The following SLC25A48 variants were observed in gnomAD, a reference collection of about 807,000 sequenced individuals.
The protein encoded by SLC25A48 is CTC-321K16.1.
In SLC25A48, 29 loss-of-function variants were observed where a neutral mutation model predicts 32.2. The ratio of observed to expected loss-of-function variants is 0.90; its 90% CI spans 0.67 to 1.23. SLC25A48 has a LOEUF of 1.23. SLC25A48 is among the 50% of genes most tolerant of loss of function. The pLI is 0.00. For synonymous variants in SLC25A48, 164 were observed against 172.3 expected, an observed-to-expected ratio of 0.95 and a Z score of 0.38; for missense variants, 399 against 422.7, an observed-to-expected ratio of 0.94 and a Z score of 0.49.
At chr5:135,856,862 T>C (rs1760365671) in intron 4 of SLC25A48, among the ~76,000 whole-genome samples, 1 of 152,226 alleles carries the variant, frequency 6.6e-6, no homozygotes, top group African/African-American at 2.4e-5. Context: ...GCTGGCTCTT[T>C]GCTCTATCCC....
intron 3 of SLC25A48, among the ~76,000 whole-genome samples, chr5:135,799,366 A>G (rs1757264734): frequency 6.6e-6 from 1 of 151,556 alleles, no homozygotes; most frequent in Non-Finnish European, 1.5e-5. Context: ...ATTACTCCCA[A>G]TATTGCAGAA....
chr5:135,672,887 C>T (rs1368692229), intron 3 of SLC25A48, among the ~76,000 whole-genome samples: 1 of 152,146 alleles, frequency 6.6e-6, no homozygotes, highest in Admixed American at 6.5e-5. Flanking sequence ...TCCATCTTTA[C>T]CCTTATGCTC....
intron 3 of SLC25A48, among the ~76,000 whole-genome samples, chr5:135,793,659 C>T (rs1271653039): frequency 6.6e-6 from 1 of 151,322 alleles, no homozygotes; most frequent in Non-Finnish European, 1.5e-5. Flanking sequence ...CAGTGCATTT[C>T]CATCTTGTTT....
At position 135,779,522 on chromosome 5, in the gene SLC25A48, A is replaced by ACACGCACTCTAATAAGGTTTG. The variant is rs1326006136; in HGVS notation, c.-520-33001_-520-33000insCACGCACTCTAATAAGGTTTG. 6.8e-4 allele frequency among the ~76,000 whole-genome samples: 82 copies of ACACGCACTCTAATAAGGTTTG among 120,798 alleles called. 2 individuals carry two copies. Among genetic ancestry groups the ACACGCACTCTAATAAGGTTTG allele is most frequent in the South Asian group, 1.1e-3 (4 of 3,582 alleles). The allele number at this position is 120,798 out of a possible 152,430, so 79.2% of individuals were successfully genotyped here. The stretch of plus-strand genomic sequence containing the variant: ...ACTCCCAATATTGCAGGGGGTGTAC[A>ACACGCACTCTAATAAGGTTTG]TGCCCCCCTGTGATATTGTTTCTAA... On this transcript the variant is annotated intron_variant, in intron 3 of 10. Transcript: ENST00000646290.
intron 3 of SLC25A48, among the ~76,000 whole-genome samples, chr5:135,810,643 GT>G: frequency 6.6e-6 from 1 of 152,184 alleles, no homozygotes; most frequent in Non-Finnish European, 1.5e-5. Context: ...CACACAGCAT[GT>G]GGTTTTTGTC....
intron 3 of SLC25A48, among the ~76,000 whole-genome samples, chr5:135,757,316 A>G (rs62365684): frequency 6.7e-6 from 1 of 149,706 alleles, no homozygotes; most frequent in Non-Finnish European, 1.5e-5. Context: ...TTAATAAAAT[A>G]TCATCTTTAT....
intron 3 of SLC25A48, among the ~76,000 whole-genome samples, chr5:135,637,550 A>C (rs1308936263): frequency 6.6e-6 from 1 of 152,222 alleles, no homozygotes; most frequent in Admixed American, 6.5e-5. Flanking sequence ...TTCATGCTAA[A>C]GATCAAGATG....
In SLC25A48 at chr5:135,835,123, T is replaced by G. The variant is rs952233556; in HGVS notation, c.46+230T>G. 5.7e-6 allele frequency: 4 copies of G among 704,344 alleles called. No homozygotes were observed. In the African/African-American group the frequency reaches 7.0e-5, roughly 12 times the overall value. The allele number at this position is 704,344 out of a possible 1,614,324, so 43.6% of individuals were successfully genotyped here. A position where few individuals can be genotyped will look rare whatever the true frequency, so the allele number is the denominator to read the frequency against. ...CGGGCTGAGCTTCTGATTTGCTCAT[T>G]AAGTTAGGATCCGTGGGACTTGATG... On this transcript the variant is annotated intron_variant, in intron 1 of 7. Coordinates refer to ENST00000681962, the MANE Select transcript of SLC25A48 (RefSeq NM_001349336.2).
At chr5:135,667,573 C>T (rs577205521) in intron 3 of SLC25A48, among the ~76,000 whole-genome samples, 221 of 152,300 alleles carry the variant, frequency 1.5e-3, no homozygotes, top group Non-Finnish European at 2.8e-3. Context: ...CCCCTACTCC[C>T]TTCCCTCTCT....
intron 3 of SLC25A48, among the ~76,000 whole-genome samples, chr5:135,664,784 A>G (rs1421881647): frequency 2.0e-5 from 3 of 152,212 alleles, no homozygotes; most frequent in Non-Finnish European, 4.4e-5. Flanking sequence ...GTAGTATTAC[A>G]TGGTGTATAT....
intron 4 of SLC25A48, chr5:135,827,221 C>T (rs9986270): frequency 0.36 from 53,987 of 152,012 alleles, 9,636 homozygotes; most frequent in Middle Eastern, 0.46. Flanking sequence ...TGTCCCGTGG[C>T]GCTGGTTTTG....
At chr5:135,676,276 T>C (rs4976315) in intron 3 of SLC25A48, among the ~76,000 whole-genome samples, 112,902 of 151,778 alleles carry the variant, frequency 0.74, 42,590 homozygotes, top group Middle Eastern at 0.86. Context: ...AGTGTATAGT[T>C]GCTTTAATAG....
rs79546838 is a variant in SLC25A48 at position 135,647,076 on chromosome 5, G to A, written c.-521+12120G>A. On this transcript the variant is annotated intron_variant, in intron 3 of 10. Coordinates refer to the SLC25A48 transcript ENST00000646290. ...TTAGGTCAATTGTGGTAATCATTTCGCAATGTGTACTTATATCACACGTCA... is the reference window on the plus strand; with the variant it reads ...TTAGGTCAATTGTGGTAATCATTTCACAATGTGTACTTATATCACACGTCA... 9.2e-3 allele frequency among the ~76,000 whole-genome samples: 592 copies of A among 64,428 alleles called. 8 individuals are homozygous for A. Among genetic ancestry groups the A allele is most frequent in the South Asian group, 0.041 (56 of 1,352 alleles). 42.3% of individuals were successfully genotyped at this position (64,428 alleles called of 152,430 possible).
chr5:135,865,074 T>C (rs1010024424), intron 4 of SLC25A48, among the ~76,000 whole-genome samples: 8 of 152,246 alleles, frequency 5.3e-5, no homozygotes, highest in Non-Finnish European at 1.2e-4. Context: ...TTTGTCAATA[T>C]TCCCTTTTCA....
At chr5:135,852,886 C>A in intron 4 of SLC25A48, 65 bp downstream of exon 4, 1 of 1,540,416 alleles carries the variant, frequency 6.5e-7, no homozygotes, top group Admixed American at 2.0e-5. Flanking sequence ...TTTGTGGGAT[C>A]TGGGACATGG....
chr5:135,697,977 T>G (rs1754306390), intron 3 of SLC25A48, among the ~76,000 whole-genome samples: 1 of 152,228 alleles, frequency 6.6e-6, no homozygotes, highest in African/African-American at 2.4e-5. Context: ...CACCTTGCCC[T>G]GGACCTACCA....
At chr5:135,788,804 G>C (rs963184004) in intron 3 of SLC25A48, among the ~76,000 whole-genome samples, 1 of 150,618 alleles carries the variant, frequency 6.6e-6, no homozygotes, top group African/African-American at 2.4e-5. Context: ...CCCGTGTGGT[G>C]GTGGGGGATG....
chr5:135,701,299 C>G (rs1314848238), intron 3 of SLC25A48, among the ~76,000 whole-genome samples: 2 of 152,144 alleles, frequency 1.3e-5, no homozygotes, highest in Non-Finnish European at 2.9e-5. Flanking sequence ...GTGATGGCTC[C>G]ATCTAGGTCA....
intron 3 of SLC25A48, among the ~76,000 whole-genome samples, chr5:135,645,793 C>CA (rs1752944600): frequency 6.6e-6 from 1 of 152,202 alleles, no homozygotes; most frequent in Non-Finnish European, 1.5e-5. Context: ...AGAGAAAACT[C>CA]AGAGACTTTA....
Sources: allele counts gnomAD v4.1 joint callset (sites outside exome capture counted in the v4.1 genomes callset), GRCh38; gene constraint gnomAD v4.1.1; transcripts MANE v1.5; gene names NCBI Gene and HGNC (gene_info 2026-07-23, HGNC 2026-07-21).